AKAP6: variants seen among roughly 807,000 people sequenced by gnomAD.
The protein encoded by AKAP6 is A-kinase anchor protein 6.
AKAP6 carries 58 observed loss-of-function variants against 188.5 expected under a neutral mutation model. The ratio of observed to expected loss-of-function variants is 0.31; its 90% CI spans 0.25 to 0.38. The LOEUF is 0.38. AKAP6 is among the 10% of genes least tolerant of loss of function. AKAP6 has a pLI of 1.00. For missense variants in AKAP6, 2,710 were observed against 2,740.0 expected, an observed-to-expected ratio of 0.99 and a Z score of 0.24; for synonymous variants, 989 against 998.6, an observed-to-expected ratio of 0.99 and a Z score of 0.18.
chr14:32,424,578 T>C (rs1199384261), intron 1 of AKAP6, among the ~76,000 whole-genome samples: 1 of 152,180 alleles, frequency 6.6e-6, no homozygotes, highest in Non-Finnish European at 1.5e-5. Flanking sequence ...TGGGGTTTGT[T>C]GTACAGATTA....
intron 7 of AKAP6, among the ~76,000 whole-genome samples, chr14:32,620,160 T>G (rs188767394): frequency 8.5e-5 from 13 of 152,270 alleles, no homozygotes; most frequent in African/African-American, 3.1e-4. Context: ...CTTTATTTCT[T>G]TCTCTTACCT....
intron 1 of AKAP6, among the ~76,000 whole-genome samples, chr14:32,401,344 G>A (rs1889086103): frequency 6.6e-6 from 1 of 152,036 alleles, no homozygotes; most frequent in African/African-American, 2.4e-5. Flanking sequence ...CTATCATATG[G>A]GTATGTTGAG....
chr14:32,727,106 TAATC>T (rs573722384), intron 9 of AKAP6, among the ~76,000 whole-genome samples: 10 of 152,150 alleles, frequency 6.6e-5, no homozygotes, highest in Non-Finnish European at 1.2e-4. Flanking sequence ...AGAAAAATAA[TAATC>T]AATATTATAA....
In AKAP6 at chr14:32,829,973, T is replaced by C. The variant is rs1056240573; in HGVS notation, c.*168T>C. On this transcript the variant is annotated 3_prime_UTR_variant, in exon 14 of 14. Coordinates refer to ENST00000280979, the MANE Select transcript of AKAP6 (RefSeq NM_004274.5). ...CCAAGATGAATCTTCCTTCCAAATG[T>C]GTTTTCTCCACACAAGCCTTGTGAT... 42 of 702,550 alleles carry C rather than the reference T, an allele frequency of 6.0e-5. No individual in the cohort carries two copies. Among genetic ancestry groups the C allele is most frequent in the Admixed American group, 2.8e-4 (14 of 49,978 alleles). 43.5% of individuals were successfully genotyped at this position (702,550 alleles called of 1,614,324 possible).
chr14:32,674,668 ATGAAGGGTTC>A (rs1172871134), intron 7 of AKAP6, among the ~76,000 whole-genome samples: 2 of 152,202 alleles, frequency 1.3e-5, no homozygotes, highest in African/African-American at 4.8e-5. Flanking sequence ...AAGGATGAGA[ATGAAGGGTTC>A]TGTTTTAAAT....
At chr14:32,375,200 T>C (rs145338646) in intron 1 of AKAP6, among the ~76,000 whole-genome samples, 33 of 152,186 alleles carry the variant, frequency 2.2e-4, no homozygotes, top group Middle Eastern at 3.4e-3. Context: ...GTTGAGAGAA[T>C]AGAAAAAGTA....
intron 2 of AKAP6, among the ~76,000 whole-genome samples, chr14:32,492,399 CAT>C (rs375239872): frequency 1.7e-4 from 22 of 128,758 alleles, no homozygotes; most frequent in Admixed American, 1.7e-4. Flanking sequence ...TGGATACATG[CAT>C]ATATATATAT....
intron 7 of AKAP6, among the ~76,000 whole-genome samples, chr14:32,620,280 G>A (rs962597968): frequency 1.4e-4 from 21 of 152,004 alleles, no homozygotes; most frequent in Admixed American, 7.2e-4. Flanking sequence ...TTCCCCATTC[G>A]GTATGACATT....
At chr14:32,466,091 G>T (rs12100990) in intron 2 of AKAP6, among the ~76,000 whole-genome samples, 2,735 of 152,280 alleles carry the variant, frequency 0.018, 73 homozygotes, top group African/African-American at 0.061. Flanking sequence ...TGCTGGCGAG[G>T]CTGTGGAGAA....
chr14:32,602,923 C>T (rs1031042553), intron 7 of AKAP6, among the ~76,000 whole-genome samples: 5 of 152,112 alleles, frequency 3.3e-5, no homozygotes, highest in South Asian at 2.1e-4. Flanking sequence ...TGGGACCAGG[C>T]GTTAGAGATG....
intron 8 of AKAP6, among the ~76,000 whole-genome samples, chr14:32,683,316 G>T (rs555035462): frequency 6.6e-6 from 1 of 152,030 alleles, no homozygotes; most frequent in Non-Finnish European, 1.5e-5. Context: ...ATCTAATGCT[G>T]AAGTTTGAGA....
chr14:32,836,728 C>T lies in AKAP6; in HGVS notation c.*6923C>T, dbSNP rs943532787. On this transcript the variant is annotated 3_prime_UTR_variant, in exon 14 of 14. Transcript: ENST00000280979. ...GTGACACCATATTTAAGAGCCACTG[C>T]TATTGAGGCTTGCACTCTCTTGCTT... 4.6e-5 allele frequency: 7 copies of T among 152,178 alleles called. No individual in the cohort carries two copies. Among genetic ancestry groups the T allele is most frequent in the African/African-American group, 1.7e-4 (7 of 41,548 alleles). 9.4% of individuals were successfully genotyped at this position (152,178 alleles called of 1,614,324 possible).
chr14:32,341,321 T>C (rs1023329428), intron 1 of AKAP6, among the ~76,000 whole-genome samples: 1 of 152,228 alleles, frequency 6.6e-6, no homozygotes, highest in Non-Finnish European at 1.5e-5. Context: ...GACATTCACA[T>C]AAAATATAAG....
At chr14:32,335,829 C>A in intron 1 of AKAP6, among the ~76,000 whole-genome samples, 1 of 104,608 alleles carries the variant, frequency 9.6e-6, no homozygotes, top group Admixed American at 9.2e-5. Flanking sequence ...TTTTTTAATA[C>A]TATCCTTTTC....
intron 1 of AKAP6, among the ~76,000 whole-genome samples, chr14:32,414,142 GA>G (rs1386265712): frequency 6.6e-6 from 1 of 152,008 alleles, no homozygotes; most frequent in African/African-American, 2.4e-5. Flanking sequence ...GGGGACTGCT[GA>G]GGTCAAAGGT....
At chr14:32,680,648 T>G (rs764007407) in intron 8 of AKAP6, among the ~76,000 whole-genome samples, 13 of 152,210 alleles carry the variant, frequency 8.5e-5, no homozygotes, top group Non-Finnish European at 1.3e-4. Context: ...AAAGATTATA[T>G]GTACTAATGT....
intron 7 of AKAP6, among the ~76,000 whole-genome samples, chr14:32,641,102 T>C (rs932504348): frequency 1.3e-5 from 2 of 151,978 alleles, no homozygotes; most frequent in Admixed American, 6.6e-5. Flanking sequence ...CTCTGGAAGG[T>C]CGTTGTGAAT....
At chr14:32,442,813 G>A (rs2138742664) in intron 2 of AKAP6, among the ~76,000 whole-genome samples, 1 of 152,074 alleles carries the variant, frequency 6.6e-6, no homozygotes, top group East Asian at 1.9e-4. Context: ...GGGTCCCTTT[G>A]AGTAGGGTTG....
intron 1 of AKAP6, among the ~76,000 whole-genome samples, chr14:32,352,017 G>T (rs1292607449): frequency 6.6e-6 from 1 of 151,840 alleles, no homozygotes. Context: ...TGATGTAGAA[G>T]CTATAGAGAG....
Sources: gnomAD v4.1 joint callset for allele counts (sites outside exome capture counted in the v4.1 genomes callset) on GRCh38, gnomAD v4.1.1 for gene constraint, MANE v1.5 for transcripts, NCBI Gene and HGNC (gene_info 2026-07-23, HGNC 2026-07-21) for gene names.